The following PFKP variants were observed in gnomAD, a reference collection of about 807,000 sequenced individuals.
PFKP encodes phosphofructokinase, platelet.
Under a neutral mutation model 94.3 loss-of-function variants are expected in PFKP, and 101 were observed. The observed-to-expected ratio is 1.07, with a 90% CI of 0.91 to 1.26. The LOEUF is 1.26. Ranked by LOEUF, PFKP falls within the 50% of genes most tolerant of loss-of-function variation. PFKP has a pLI of 0.00. For synonymous variants in PFKP, 573 were observed against 432.6 expected, an observed-to-expected ratio of 1.32 and a Z score of -4.03; for missense variants, 1,145 against 1,103.3, an observed-to-expected ratio of 1.04 and a Z score of -0.53.
At chr10:3,123,334 C>T (rs933846792) in intron 16 of PFKP, among the ~76,000 whole-genome samples, 1 of 152,252 alleles carries the variant, frequency 6.6e-6, no homozygotes, top group African/African-American at 2.4e-5. Flanking sequence ...GACTGATTCA[C>T]AGCCTGGCTG....
chr10:3,116,889 A>T lies in PFKP; in HGVS notation c.1442+43A>T, dbSNP rs76818338. 8.4e-5 allele frequency: 119 copies of T among 1,419,996 alleles called. No homozygotes were observed. The African/African-American group carries it at 1.5e-3, about 18-fold the overall frequency. The allele number at this position is 1,419,996 out of a possible 1,614,324, so 88.0% of individuals were successfully genotyped here. A position where few individuals can be genotyped will look rare whatever the true frequency, so the allele number is the denominator to read the frequency against. ...ACTCTATGACCTGCTTTTAAGGAAG[A>T]AGGAAGAGCCGTGTTCTGGGAGAGA... On this transcript the variant is annotated intron_variant, in intron 14 of 21. Coordinates refer to ENST00000381125, the MANE Select transcript of PFKP (RefSeq NM_002627.5).
intron 2 of PFKP, among the ~76,000 whole-genome samples, chr10:3,086,067 C>T (rs1319436832): frequency 6.6e-6 from 1 of 152,090 alleles, no homozygotes; most frequent in African/African-American, 2.4e-5. Flanking sequence ...GCTCTTAGTA[C>T]AGAAATGTGG....
chr10:3,113,230 G>T (rs754047602), intron 12 of PFKP, 42 bp downstream of exon 12: 8 of 1,598,010 alleles, frequency 5.0e-6, no homozygotes, highest in Non-Finnish European at 6.8e-6. Flanking sequence ...CTCTCCTGCG[G>T]GCCTCCCCTC....
intron 4 of PFKP, 65 bp downstream of exon 4, chr10:3,101,619 A>G (rs1473982987): frequency 8.4e-7 from 1 of 1,193,844 alleles, no homozygotes; most frequent in African/African-American, 1.6e-5. Context: ...TGGAACCGAC[A>G]GGTTTCCCTC....
chr10:3,100,049 G>C (rs1384061191), intron 3 of PFKP, among the ~76,000 whole-genome samples: 1 of 138,550 alleles, frequency 7.2e-6, no homozygotes, highest in Non-Finnish European at 1.5e-5. Flanking sequence ...TGTATGTGTA[G>C]GTGTGTGGTG....
chr10:3,100,048 A>AGG (rs1834839870), intron 3 of PFKP, among the ~76,000 whole-genome samples: 2 of 121,220 alleles, frequency 1.6e-5, no homozygotes, highest in African/African-American at 7.9e-5. Flanking sequence ...TTGTATGTGT[A>AGG]GGTGTGTGGT....
intron 2 of PFKP, among the ~76,000 whole-genome samples, chr10:3,098,084 G>T (rs1320996138): frequency 6.6e-6 from 1 of 152,062 alleles, no homozygotes; most frequent in Non-Finnish European, 1.5e-5. Flanking sequence ...TATACAAATT[G>T]GCCAGCTATC....
intron 5 of PFKP, 157 bp from the exon 6 acceptor site, chr10:3,104,958 C>G (rs1304739122): frequency 3.8e-5 from 27 of 711,124 alleles, no homozygotes; most frequent in Middle Eastern, 4.6e-4. Flanking sequence ...GAAAATGGAC[C>G]ATTTTTGAAG....
chr10:3,092,840 C>T (rs1383884593), intron 2 of PFKP, among the ~76,000 whole-genome samples: 3 of 152,070 alleles, frequency 2.0e-5, no homozygotes, highest in Non-Finnish European at 4.4e-5. Flanking sequence ...ACCTTTTCCC[C>T]AGAAGTGCTG....
At chr10:3,077,456 T>G (rs12247270) in intron 1 of PFKP, among the ~76,000 whole-genome samples, 2,499 of 149,860 alleles carry the variant, frequency 0.017, 30 homozygotes, top group Non-Finnish European at 0.025. Flanking sequence ...TTAGTAGAGA[T>G]GGGGTTTCAC....
chr10:3,136,274 G>A (rs1839318822), intron 21 of PFKP, among the ~76,000 whole-genome samples, 176 bp from the exon 22 acceptor site: 1 of 152,158 alleles, frequency 6.6e-6, no homozygotes, highest in Non-Finnish European at 1.5e-5. Context: ...TGGGTCTTCG[G>A]GAATAATTTT....
Position 3,112,297 on chromosome 10 carries a change from T to G in PFKP, c.1154+11T>G. 1 of 1,609,470 alleles carries G rather than the reference T, an allele frequency of 6.2e-7. No individual in the cohort carries two copies. Among genetic ancestry groups the G allele is most frequent in the Non-Finnish European group, 8.5e-7 (1 of 1,175,812 alleles). ...TCGACTCCGAGGGAGGTGAGGTGCT[T>G]TGGAGAAAGCTCTGCCCTGTCAGGA... On this transcript the variant is annotated intron_variant, in intron 11 of 21. Coordinates refer to ENST00000381125, the MANE Select transcript of PFKP (RefSeq NM_002627.5).
chr10:3,112,035 T>C (rs1290246788), intron 10 of PFKP, among the ~76,000 whole-genome samples, 187 bp from the exon 11 acceptor site: 1 of 152,218 alleles, frequency 6.6e-6, no homozygotes, highest in Non-Finnish European at 1.5e-5. Context: ...CGTGTGGGGC[T>C]GGCTGCCAAC....
intron 1 of PFKP, among the ~76,000 whole-genome samples, chr10:3,077,265 T>C (rs1421307470): frequency 1.5e-4 from 18 of 116,538 alleles, no homozygotes; most frequent in South Asian, 3.2e-4. Flanking sequence ...TTTTTTCTTT[T>C]TTTTTTTTTT....
rs145103426 is a variant in PFKP at position 3,092,121 on chromosome 10, G to C, written c.187-7154G>C. Among the ~76,000 whole-genome samples, 700 of 151,738 alleles carry C rather than the reference G, an allele frequency of 4.6e-3. 6 individuals carry two copies. Among genetic ancestry groups the C allele is most frequent in the African/African-American group, 0.016 (661 of 41,056 alleles). ...CCACCGGCCCCCAAGCTTAGCTCAG[G>C]TGCCCGAGGGTCTCCATCTCCCCAT... On this transcript the variant is annotated intron_variant, in intron 2 of 21. Coordinates refer to ENST00000381125, the MANE Select transcript of PFKP (RefSeq NM_002627.5).
chr10:3,110,683 TGTGA>T (rs1228260875), intron 10 of PFKP, among the ~76,000 whole-genome samples: 2 of 152,206 alleles, frequency 1.3e-5, no homozygotes, highest in Non-Finnish European at 2.9e-5. Flanking sequence ...TGTGTATGTG[TGTGA>T]GTGTGTGCGC....
chr10:3,073,824 TG>T (rs1418007885), intron 1 of PFKP, among the ~76,000 whole-genome samples: 58 of 151,598 alleles, frequency 3.8e-4, no homozygotes, highest in African/African-American at 1.4e-3. Context: ...TGTGTGTGTG[TG>T]TTTTTTTTGT....
intron 16 of PFKP, chr10:3,129,099 G>A (rs1415132251): frequency 6.6e-6 from 1 of 152,292 alleles, no homozygotes; most frequent in East Asian, 1.9e-4. Context: ...CCCAGGAAGA[G>A]GGCGTTGCAG....
intron 16 of PFKP, among the ~76,000 whole-genome samples, chr10:3,126,528 G>A (rs1398718813): frequency 1.3e-5 from 2 of 152,210 alleles, no homozygotes; most frequent in African/African-American, 4.8e-5. Context: ...GTGCTTTGCT[G>A]CGGGTTCCAT....
Sources: allele counts gnomAD v4.1 joint callset (sites outside exome capture counted in the v4.1 genomes callset), GRCh38; gene constraint gnomAD v4.1.1; transcripts MANE v1.5; gene names NCBI Gene and HGNC (gene_info 2026-07-23, HGNC 2026-07-21).